EXOC2: variants seen among roughly 807,000 people sequenced by gnomAD.
The protein encoded by EXOC2 is exocyst complex component 2.
Under a neutral mutation model 131.8 loss-of-function variants are expected in EXOC2, and 70 were observed. That is an observed-to-expected ratio of 0.53 (90% CI 0.44 to 0.65). The LOEUF (loss-of-function observed/expected upper bound fraction) is 0.65, where lower values mean the gene tolerates loss of function less well. Among genes scored for constraint, EXOC2 ranks in the 30% least tolerant of loss-of-function variants. EXOC2 has a pLI of 0.00. For synonymous variants in EXOC2, 411 were observed against 398.4 expected (o/e 1.03, Z -0.38); for missense variants, 923 against 1,108.6 (o/e 0.83, Z 2.38).
chr6:552,069 T>A (rs531488357), intron 21 of EXOC2, among the ~76,000 whole-genome samples: 10 of 152,334 alleles, frequency 6.6e-5, no homozygotes, highest in African/African-American at 2.4e-4. Context: ...CCTGCAGGCT[T>A]GCACCCAAGT....
intron 13 of EXOC2, among the ~76,000 whole-genome samples, chr6:569,116 T>C (rs1374216628): frequency 6.6e-6 from 1 of 152,234 alleles, no homozygotes; most frequent in Non-Finnish European, 1.5e-5. Context: ...GGCATTTTAA[T>C]TTATATATTA....
Position 649,037 on chromosome 6 carries a change from G to A in EXOC2, c.-43-11176C>T, listed in dbSNP as rs1362301206. On this transcript the variant is annotated intron_variant, in intron 1 of 27. Transcript: ENST00000230449. The stretch of plus-strand genomic sequence containing the variant: ...CCTAACTCTTTTCTTTGTAAGAGAC[G>A]GAGCCTCGTTGTGTTTCCCATGCTG... Among the ~76,000 whole-genome samples, 6 of 151,994 alleles carry A rather than the reference G, an allele frequency of 3.9e-5. No individual in the cohort carries two copies. The South Asian group carries it at 6.2e-4, about 16-fold the overall frequency.
At chr6:488,204 C>G (rs143038392) in intron 27 of EXOC2, among the ~76,000 whole-genome samples, 35 of 152,232 alleles carry the variant, frequency 2.3e-4, no homozygotes, top group Admixed American at 4.6e-4. Context: ...ACAGCTCCCC[C>G]CCATGGCCCA....
intron 1 of EXOC2, among the ~76,000 whole-genome samples, chr6:690,516 CGACGGT>C (rs1764872993): frequency 1.3e-5 from 2 of 151,898 alleles, no homozygotes; most frequent in Non-Finnish European, 2.9e-5. Flanking sequence ...ACGAGGATCG[CGACGGT>C]GAAACCCCGT....
At chr6:606,908 G>A (rs1014365621) in intron 7 of EXOC2, among the ~76,000 whole-genome samples, 5 of 152,138 alleles carry the variant, frequency 3.3e-5, no homozygotes, top group South Asian at 2.1e-4. Flanking sequence ...ATCCCTTCCC[G>A]ATCATCCATT....
intron 11 of EXOC2, among the ~76,000 whole-genome samples, chr6:588,665 T>C (rs533793848): frequency 3.9e-5 from 6 of 152,342 alleles, no homozygotes; most frequent in Admixed American, 1.3e-4. Flanking sequence ...CACTTTCTAA[T>C]GAAAAGATGA....
At chr6:521,701 G>GT (rs1315751697) in intron 23 of EXOC2, among the ~76,000 whole-genome samples, 2 of 151,708 alleles carry the variant, frequency 1.3e-5, no homozygotes, top group African/African-American at 4.8e-5. Context: ...TAATTTTTGT[G>GT]TTTTTTTGTA....
intron 26 of EXOC2, 32 bp from the exon 27 acceptor site, chr6:489,070 G>C: frequency 6.2e-7 from 1 of 1,610,120 alleles, no homozygotes; most frequent in South Asian, 1.1e-5. Flanking sequence ...TGAAGTTGAA[G>C]CCTTGCACAG....
chr6:544,935 CAGG>C (rs1756757099), intron 22 of EXOC2, among the ~76,000 whole-genome samples: 1 of 151,864 alleles, frequency 6.6e-6, no homozygotes, highest in Non-Finnish European at 1.5e-5. Flanking sequence ...ATCATGAGGT[CAGG>C]AGATCGAGAC....
intron 14 of EXOC2, 43 bp downstream of exon 14, chr6:564,821 C>T: frequency 6.3e-7 from 1 of 1,593,340 alleles, no homozygotes; most frequent in Non-Finnish European, 8.5e-7. Flanking sequence ...AAGGAAAAAC[C>T]CTACCCTGTG....
rs759075877 is a variant in EXOC2, at chr6:656,932, C to A, written c.-43-19071G>T. 6 of 1,522,266 alleles carry A rather than the reference C, an allele frequency of 3.9e-6. No individual in the cohort carries two copies. The highest frequency in any genetic ancestry group is 5.3e-6 in the Non-Finnish European group (6 of 1,130,576). The allele number at this position is 1,522,266 out of a possible 1,614,324, so 94.3% of individuals were successfully genotyped here. ...AGACAGCCTTTGCCGGTGATCTTGG[C>A]GCGAAACTTCATGATGCCACAGGGA... On this transcript the variant is annotated intron_variant, in intron 1 of 27. Transcript: ENST00000230449.
chr6:648,790 C>T (rs576863397), intron 1 of EXOC2, among the ~76,000 whole-genome samples: 2 of 146,088 alleles, frequency 1.4e-5, no homozygotes, highest in South Asian at 2.2e-4. Flanking sequence ...AGCGTGACCA[C>T]GGCTCACTGC....
chr6:512,845 C>T (rs1764928417), intron 23 of EXOC2, among the ~76,000 whole-genome samples: 1 of 152,166 alleles, frequency 6.6e-6, no homozygotes, highest in Non-Finnish European at 1.5e-5. Flanking sequence ...TATCTAACCC[C>T]AACACGGTTG....
chr6:557,093 C>T (rs924779831), intron 17 of EXOC2, among the ~76,000 whole-genome samples: 2 of 152,078 alleles, frequency 1.3e-5, no homozygotes, highest in Admixed American at 1.3e-4. Context: ...ATATGCCCAA[C>T]CAATGGCATT....
rs72835943 is a variant in EXOC2, at chr6:577,438, C to A, written c.1193-556G>T. On this transcript the variant is annotated intron_variant, in intron 11 of 27. Transcript: ENST00000230449. ...GTCTTTATTGTCTCACACTCAAATACTGCTTTTTTGATTCTCATCTGAGAA... is the reference window on the plus strand; with the variant it reads ...GTCTTTATTGTCTCACACTCAAATAATGCTTTTTTGATTCTCATCTGAGAA... 3.9e-3 allele frequency among the ~76,000 whole-genome samples: 593 copies of A among 152,322 alleles called. 6 individuals are homozygous for A. The highest frequency in any genetic ancestry group is 5.7e-3 in the Non-Finnish European group (389 of 68,034).
At chr6:486,852 C>T in intron 27 of EXOC2, 88 bp from the exon 28 acceptor site, 1 of 975,834 alleles carries the variant, frequency 1.0e-6, no homozygotes, top group Non-Finnish European at 1.6e-6. Flanking sequence ...GTGCCCGGCT[C>T]TGCCTGGGCT....
At position 487,996 on chromosome 6, in the gene EXOC2, G is replaced by T. The variant is rs775221518; in HGVS notation, c.2681+983C>A. 3.9e-4 allele frequency among the ~76,000 whole-genome samples: 59 copies of T among 152,308 alleles called. 1 individual carries two copies. The highest frequency in any genetic ancestry group is 6.6e-4 in the Non-Finnish European group (45 of 68,028). ...ATATTTATTTTAAAGAAATGAACAGGGTTTGGAACCAATTCAAATAGAGGA... is the reference window on the plus strand; with the variant it reads ...ATATTTATTTTAAAGAAATGAACAGTGTTTGGAACCAATTCAAATAGAGGA... On this transcript the variant is annotated intron_variant, in intron 27 of 27. Coordinates refer to ENST00000230449, the MANE Select transcript of EXOC2 (RefSeq NM_018303.6).
intron 1 of EXOC2, among the ~76,000 whole-genome samples, chr6:640,692 G>A (rs1227551918): frequency 1.3e-5 from 2 of 152,118 alleles, no homozygotes; most frequent in African/African-American, 2.4e-5. Context: ...ATGAGAAGAC[G>A]CTGTCTACAA....
At chr6:556,133 T>C (rs1442869156) in intron 18 of EXOC2, 120 bp from the exon 19 acceptor site, 2 of 914,074 alleles carry the variant, frequency 2.2e-6, no homozygotes, top group Non-Finnish European at 3.5e-6. Context: ...GCCCTTCCTA[T>C]AAAAGGAGGC....
Sources: gnomAD v4.1 joint callset for allele counts (sites outside exome capture counted in the v4.1 genomes callset) on GRCh38, gnomAD v4.1.1 for gene constraint, MANE v1.5 for transcripts, NCBI Gene and HGNC (gene_info 2026-07-23, HGNC 2026-07-21) for gene names.